The following CCNI variants were observed in gnomAD, a reference collection of about 807,000 sequenced individuals.
CCNI encodes the protein cyclin-I.
In CCNI, 14 loss-of-function variants were observed where a neutral mutation model predicts 34.1. That is an observed-to-expected ratio of 0.41 (90% CI 0.27 to 0.64). The LOEUF (loss-of-function observed/expected upper bound fraction) is 0.64. CCNI is among the 30% of genes least tolerant of loss of function. The pLI is 0.31. For missense variants in CCNI, 385 were observed against 440.5 expected, an observed-to-expected ratio of 0.87 and a Z score of 1.13; for synonymous variants, 154 against 158.4, an observed-to-expected ratio of 0.97 and a Z score of 0.21.
rs1491585098 is a variant in CCNI at position 77,055,463 on chromosome 4, T to TC, written c.460-84dup. 505 of 921,584 alleles carry TC rather than the reference T, an allele frequency of 5.5e-4. 1 individual carries two copies. In the African/African-American group the frequency reaches 8.2e-3, roughly 15 times the overall value. The allele number at this position is 921,584 out of a possible 1,614,324, so 57.1% of individuals were successfully genotyped here. A position where few individuals can be genotyped will look rare whatever the true frequency, so the allele number is the denominator to read the frequency against. On this transcript the variant is annotated intron_variant, in intron 5 of 6. Coordinates refer to ENST00000237654, the MANE Select transcript of CCNI (RefSeq NM_006835.3). ...AGAAATTGATGCAACCTATTCAATTTCTTTTTTTTTTTTTTTTGAGACAGA... is the reference window on the plus strand; with the variant it reads ...AGAAATTGATGCAACCTATTCAATTTCCTTTTTTTTTTTTTTTTGAGACAGA...
At chr4:77,052,987 T>C (rs904502540) in intron 6 of CCNI, among the ~76,000 whole-genome samples, 3 of 151,994 alleles carry the variant, frequency 2.0e-5, no homozygotes, top group Non-Finnish European at 4.4e-5. Context: ...GCATATCTCT[T>C]AAAAAGAAAA....
chr4:77,056,587 T>A (rs62302336), intron 3 of CCNI: 3 of 43,242 alleles, frequency 6.9e-5, no homozygotes, highest in Admixed American at 2.9e-4. Context: ...TAGAGCTAAC[T>A]TTTTTTTTTT....
intron 6 of CCNI, 35 bp from the exon 7 acceptor site, chr4:77,048,697 G>A (rs1461047346): frequency 1.4e-6 from 2 of 1,461,304 alleles, no homozygotes; most frequent in Non-Finnish European, 9.1e-7. Context: ...ACACACAGTT[G>A]ATCATTAATT....
In CCNI at chr4:77,075,486, C is replaced by T. The variant is rs1351449392; in HGVS notation, c.-58G>A. The stretch of plus-strand genomic sequence containing the variant: ...CCGCCCCTCACCTTCTCCTCCTCTT[C>T]CTCCTCCTCCTCCTCCCCGGCAGAG... On this transcript the variant is annotated 5_prime_UTR_variant, in exon 1 of 7. Transcript: ENST00000237654. The T allele has an allele frequency of 4.2e-6, 3 of 709,244 alleles. No homozygotes were observed. The highest frequency in any genetic ancestry group is 1.3e-4 in the Admixed American group (2 of 15,884). The allele number at this position is 709,244 out of a possible 1,614,324, so 43.9% of individuals were successfully genotyped here.
Position 77,056,234 on chromosome 4 carries a change from G to C in CCNI, c.318+15C>G, listed in dbSNP as rs751205219. The stretch of plus-strand genomic sequence containing the variant: ...ATTTTCACGGAAGAAACATTATCTT[G>C]AAAGGATTTATTACCTCATCTTCCT... On this transcript the variant is annotated intron_variant, in intron 4 of 6. Transcript: ENST00000237654. The C allele has an allele frequency of 5.0e-6, 8 of 1,608,316 alleles. No homozygotes were observed. Among genetic ancestry groups the C allele is most frequent in the Non-Finnish European group, 6.8e-6 (8 of 1,175,354 alleles).
chr4:77,057,027 G>C (rs4252883), intron 3 of CCNI, among the ~76,000 whole-genome samples: 7,179 of 152,232 alleles, frequency 0.047, 255 homozygotes, highest in South Asian at 0.15. Flanking sequence ...GCTTGATTTA[G>C]AAGTTTTTAA....
At chr4:77,074,310 A>G (rs1440663075) in intron 1 of CCNI, among the ~76,000 whole-genome samples, 1 of 152,228 alleles carries the variant, frequency 6.6e-6, no homozygotes, top group Non-Finnish European at 1.5e-5. Flanking sequence ...AGAGGGGCTC[A>G]GAATCTCTCG....
chr4:77,064,470 T>C (rs1728865198), intron 2 of CCNI, among the ~76,000 whole-genome samples: 2 of 152,112 alleles, frequency 1.3e-5, no homozygotes, highest in South Asian at 4.1e-4. Flanking sequence ...ATTTATTTTC[T>C]CCTGTTGTAT....
At chr4:77,069,774 C>G (rs4252807) in intron 1 of CCNI, among the ~76,000 whole-genome samples, 4,558 of 152,036 alleles carry the variant, frequency 0.03, 220 homozygotes, top group African/African-American at 0.1. Flanking sequence ...ACTCTACCCC[C>G]ACCTGTACCA....
intron 6 of CCNI, among the ~76,000 whole-genome samples, chr4:77,049,869 A>C (rs1273518571): frequency 6.6e-6 from 1 of 152,158 alleles, no homozygotes; most frequent in East Asian, 1.9e-4. Context: ...TTAAATTATT[A>C]CCTGTAGTAA....
chr4:77,070,407 G>A (rs1729369138), intron 1 of CCNI, among the ~76,000 whole-genome samples: 1 of 150,720 alleles, frequency 6.6e-6, no homozygotes, highest in Non-Finnish European at 1.5e-5. Flanking sequence ...GACTTTCTCA[G>A]GTTCCTTGTT....
intron 6 of CCNI, among the ~76,000 whole-genome samples, chr4:77,051,454 TAG>T (rs760307363): frequency 6.6e-5 from 10 of 152,022 alleles, no homozygotes; most frequent in African/African-American, 2.2e-4. Flanking sequence ...ACGAAGTAAA[TAG>T]AGTTATATTT....
chr4:77,055,959 T>A lies in CCNI; in HGVS notation c.459+3A>T, dbSNP rs112771992. 1 of 1,607,156 alleles carries A rather than the reference T, an allele frequency of 6.2e-7. No individual in the cohort carries two copies. The highest frequency in any genetic ancestry group is 8.5e-7 in the Non-Finnish European group (1 of 1,176,552). ...GAAACTAAAAGACTTCAGGTATATT[T>A]ACAATATGAAGAAAATCCAATGGTG... On this transcript the variant is annotated splice_donor_region_variant and intron_variant, in intron 5 of 6. Transcript: ENST00000237654.
Position 77,048,008 on chromosome 4 carries a change from TTTC to T in CCNI, c.*208_*210del, listed in dbSNP as rs1385203264. ...TTAAAAAAAGTTTGGATCTTTTGGA[TTTC>T]TTTTTTTTTTTTTTGGTCTTTATGT... is the stretch of plus-strand genomic sequence containing the variant. On this transcript the variant is annotated 3_prime_UTR_variant, in exon 7 of 7. Coordinates refer to ENST00000237654, the MANE Select transcript of CCNI (RefSeq NM_006835.3). The T allele has an allele frequency of 2.4e-4, 98 of 412,786 alleles. No individual in the cohort carries two copies. The highest frequency in any genetic ancestry group is 9.5e-4 in the African/African-American group (42 of 44,202). 25.6% of individuals were successfully genotyped at this position (412,786 alleles called of 1,614,324 possible).
At position 77,066,262 on chromosome 4, in the gene CCNI, A is replaced by G; in HGVS notation, c.101T>C (p.Met34Thr). 6.2e-7 allele frequency: 1 copy of G among 1,613,924 alleles called. No homozygotes were observed. Among genetic ancestry groups the G allele is most frequent in the South Asian group, 1.1e-5 (1 of 91,060 alleles). The change falls in exon 2 of 7, where the codon ATG (methionine) becomes ACG (threonine). Residue 34 changes from methionine (M) to threonine (T), a missense_variant. Met to Thr is a moderately conservative substitution (Grantham distance 81). Around this residue, in one of 2 missense-constraint regions of CCNI, gnomAD observed 135 missense variants for 191.8 expected, o/e 0.70. Coordinates refer to ENST00000237654, the MANE Select transcript of CCNI (RefSeq NM_006835.3). ...AAAAATCATTACCTGATTTGAAGGCATTTTCCGCACATTCACTTTCCACAT... is the reference window on the plus strand; with the variant it reads ...AAAAATCATTACCTGATTTGAAGGCGTTTTCCGCACATTCACTTTCCACAT... ...AQMWKVNVRK[M>T]PSNQNVSPSQ...
chr4:77,055,464 CTT>C (rs11378505), intron 5 of CCNI, 84 bp from the exon 6 acceptor site: 11,028 of 643,332 alleles, frequency 0.017, 1 homozygote, highest in East Asian at 0.021. Flanking sequence ...TATTCAATTT[CTT>C]TTTTTTTTTT....
At chr4:77,063,078 A>G (rs576770124) in intron 2 of CCNI, among the ~76,000 whole-genome samples, 1 of 152,316 alleles carries the variant, frequency 6.6e-6, no homozygotes, top group African/African-American at 2.4e-5. Context: ...AGGGAAGCAG[A>G]GTGTGGCAGA....
At chr4:77,056,737 C>T (rs529356379) in intron 3 of CCNI, among the ~76,000 whole-genome samples, 4 of 151,930 alleles carry the variant, frequency 2.6e-5, no homozygotes, top group East Asian at 1.9e-4. Flanking sequence ...CTACAACGCC[C>T]GCCACCACGC....
intron 2 of CCNI, chr4:77,064,830 C>T (rs987468130): frequency 1.3e-5 from 2 of 152,132 alleles, no homozygotes; most frequent in African/African-American, 4.8e-5. Context: ...AGGAATGACT[C>T]ACCACACCCA....
Sources: gnomAD v4.1 joint callset for allele counts (sites outside exome capture counted in the v4.1 genomes callset) on GRCh38, gnomAD v4.1.1 for gene constraint, gnomAD v4.1.1 regional missense constraint, MANE v1.5 for transcripts, NCBI Gene and HGNC (gene_info 2026-07-23, HGNC 2026-07-21) for gene names.